The following POU2F3 variants were observed in gnomAD, a reference collection of about 807,000 sequenced individuals.
The protein encoded by POU2F3 is POU domain, class 2, transcription factor 3.
In POU2F3, 23 loss-of-function variants were observed where a neutral mutation model predicts 59.2. The ratio of observed to expected loss-of-function variants is 0.39; its 90% CI spans 0.28 to 0.55. The LOEUF is 0.55. POU2F3 is among the 20% of genes least tolerant of loss of function. POU2F3 has a pLI of 0.66. For synonymous variants in POU2F3, 190 were observed against 214.6 expected (o/e 0.89, Z 1.00); for missense variants, 473 against 544.5 (o/e 0.87, Z 1.31).
chr11:120,290,023 C>T (rs926032360), intron 3 of POU2F3, among the ~76,000 whole-genome samples: 1 of 152,130 alleles, frequency 6.6e-6, no homozygotes, highest in Non-Finnish European at 1.5e-5. Context: ...GAAGGGGAAC[C>T]TTTATAGGGC....
intron 2 of POU2F3, among the ~76,000 whole-genome samples, chr11:120,252,051 C>T (rs1310869760): frequency 6.6e-6 from 1 of 151,960 alleles, no homozygotes; most frequent in Non-Finnish European, 1.5e-5. Context: ...TCCTCAGCCT[C>T]CCAGAGTGCT....
intron 2 of POU2F3, among the ~76,000 whole-genome samples, chr11:120,257,669 C>T (rs1038406842): frequency 4.6e-5 from 7 of 152,182 alleles, no homozygotes; most frequent in Non-Finnish European, 1.0e-4. Flanking sequence ...GACATGGCAT[C>T]TCCACTCTCT....
At chr11:120,306,189 G>A (rs1295614391) in intron 8 of POU2F3, among the ~76,000 whole-genome samples, 1 of 152,200 alleles carries the variant, frequency 6.6e-6, no homozygotes, top group Non-Finnish European at 1.5e-5. Flanking sequence ...CTGGGAGGGG[G>A]AGACCACAGG....
At chr11:120,266,031 A>G (rs1361663947) in intron 2 of POU2F3, 1 of 152,190 alleles carries the variant, frequency 6.6e-6, no homozygotes, top group African/African-American at 2.4e-5. Context: ...AGGGCTACAC[A>G]ATTGATACCT....
intron 10 of POU2F3, among the ~76,000 whole-genome samples, chr11:120,311,242 T>C (rs1941642019): frequency 6.6e-6 from 1 of 152,196 alleles, no homozygotes. Flanking sequence ...AGGATTTTCA[T>C]AGGATATTGG....
At chr11:120,249,778 T>G (rs1939024284) in intron 2 of POU2F3, 1 of 152,140 alleles carries the variant, frequency 6.6e-6, no homozygotes, top group African/African-American at 2.4e-5. Flanking sequence ...TGTAGGCAAC[T>G]TTATTTACAG....
At chr11:120,291,276 C>G (rs1941009097) in intron 3 of POU2F3, among the ~76,000 whole-genome samples, 1 of 152,188 alleles carries the variant, frequency 6.6e-6, no homozygotes, top group Admixed American at 6.5e-5. Context: ...AAACAGATGA[C>G]AGAGACACGT....
chr11:120,263,154 G>T (rs1233846529), intron 2 of POU2F3, among the ~76,000 whole-genome samples: 1 of 152,018 alleles, frequency 6.6e-6, no homozygotes. Flanking sequence ...ACCACACCCA[G>T]CTAATTTTTG....
intron 12 of POU2F3, 99 bp from the exon 13 acceptor site, chr11:120,318,253 CT>C (rs1020143194): frequency 2.7e-6 from 3 of 1,131,158 alleles, no homozygotes; most frequent in Admixed American, 1.8e-5. Flanking sequence ...TTTATTACTC[CT>C]ACCTGCAAAA....
At chr11:120,272,597 GGTGCAGCCAGA>G (rs1940124582) in intron 3 of POU2F3, among the ~76,000 whole-genome samples, 1 of 152,210 alleles carries the variant, frequency 6.6e-6, no homozygotes, top group East Asian at 1.9e-4. Context: ...CAGGCCAGTT[GGTGCAGCCAGA>G]TTCTGGGTGA....
At chr11:120,310,165 A>G (rs1425538315) in intron 10 of POU2F3, among the ~76,000 whole-genome samples, 1 of 152,184 alleles carries the variant, frequency 6.6e-6, no homozygotes, top group African/African-American at 2.4e-5. Context: ...GAGAATGACA[A>G]TGGTCAGGCT....
Position 120,274,108 on chromosome 11 carries a change from AAAGGAAGG to A in POU2F3, c.132+4907_132+4914del, listed in dbSNP as rs58202053. 5.2e-3 allele frequency among the ~76,000 whole-genome samples: 599 copies of A among 116,226 alleles called. 5 individuals carry two copies. The highest frequency in any genetic ancestry group is 0.036 in the East Asian group (146 of 4,056). 76.2% of individuals were successfully genotyped at this position (116,226 alleles called of 152,430 possible). A position where few individuals can be genotyped will look rare whatever the true frequency, so the allele number is the denominator to read the frequency against. The stretch of plus-strand genomic sequence containing the variant: ...GAAAGAAAGGAAGGAAGGAAGGAAG[AAAGGAAGG>A]AAGGAAGGAAGGAAGGAAGGAAGGA... On this transcript the variant is annotated intron_variant, in intron 3 of 12. Transcript: ENST00000543440.
At position 120,240,180 on chromosome 11, in the gene POU2F3, G is replaced by C; in HGVS notation, c.-164G>C. Reference sequence around the variant, plus strand: ...GCGGCGCCGAGTGTTGCCCGGGCCGGAGCAGCGGAGCGCGCGACAGTGGCG... The same window carrying C: ...GCGGCGCCGAGTGTTGCCCGGGCCGCAGCAGCGGAGCGCGCGACAGTGGCG... On this transcript the variant is annotated 5_prime_UTR_variant, in exon 1 of 13. Coordinates refer to ENST00000543440, the MANE Select transcript of POU2F3 (RefSeq NM_014352.4). The C allele has an allele frequency of 1.5e-5, 19 of 1,226,192 alleles. No individual in the cohort carries two copies. Among genetic ancestry groups the C allele is most frequent in the Non-Finnish European group, 1.9e-5 (19 of 977,764 alleles). The allele number at this position is 1,226,192 out of a possible 1,614,324, so 76.0% of individuals were successfully genotyped here. A position where few individuals can be genotyped will look rare whatever the true frequency, so the allele number is the denominator to read the frequency against.
chr11:120,280,889 C>A (rs1229831994), intron 3 of POU2F3, among the ~76,000 whole-genome samples: 2 of 152,114 alleles, frequency 1.3e-5, no homozygotes, highest in Non-Finnish European at 2.9e-5. Flanking sequence ...AAGAGGGTTC[C>A]CCTGGCCCTT....
upstream of POU2F3, among the ~76,000 whole-genome samples, chr11:120,238,185 A>G (rs999317175): frequency 6.6e-6 from 1 of 152,172 alleles, no homozygotes; most frequent in Admixed American, 6.5e-5. Flanking sequence ...GATTGCCGTG[A>G]GCCGAGATGA....
At chr11:120,266,237 C>T (rs1284017457) in intron 2 of POU2F3, among the ~76,000 whole-genome samples, 2 of 152,134 alleles carry the variant, frequency 1.3e-5, no homozygotes, top group Admixed American at 1.3e-4. Flanking sequence ...TCCTTTCTTT[C>T]CTCTGCCCTC....
intron 2 of POU2F3, among the ~76,000 whole-genome samples, chr11:120,259,641 A>T (rs188910510): frequency 6.6e-6 from 1 of 152,312 alleles, no homozygotes; most frequent in East Asian, 1.9e-4. Flanking sequence ...CTTCTCCTGG[A>T]TATTTCCTCA....
chr11:120,267,191 C>A (rs1195743243), intron 2 of POU2F3, among the ~76,000 whole-genome samples: 2 of 151,560 alleles, frequency 1.3e-5, no homozygotes, highest in East Asian at 1.9e-4. Flanking sequence ...TGCAGTCATG[C>A]GATCTCGGCT....
At chr11:120,255,372 G>C (rs1939292745) in intron 2 of POU2F3, among the ~76,000 whole-genome samples, 1 of 152,240 alleles carries the variant, frequency 6.6e-6, no homozygotes, top group African/African-American at 2.4e-5. Flanking sequence ...GGGGAGCCCA[G>C]AGAGGTGCGG....
Sources: gnomAD v4.1 joint callset for allele counts (sites outside exome capture counted in the v4.1 genomes callset) on GRCh38, gnomAD v4.1.1 for gene constraint, MANE v1.5 for transcripts, NCBI Gene and HGNC (gene_info 2026-07-23, HGNC 2026-07-21) for gene names.